The following NRAP variants were observed in gnomAD, a reference collection of about 807,000 sequenced individuals.
NRAP encodes nebulin related anchoring protein.
A neutral mutation model predicts 225.9 loss-of-function variants in NRAP; 189 were observed. The ratio of observed to expected loss-of-function variants is 0.84; its 90% confidence interval spans 0.74 to 0.94. NRAP has a LOEUF of 0.94. Among genes scored for constraint, NRAP ranks in the 40% least tolerant of loss-of-function variants. The pLI, the probability that NRAP is intolerant of heterozygous loss-of-function variation, is 0.00. For missense variants in NRAP, 2,176 were observed against 2,168.7 expected, an observed-to-expected ratio of 1.00 and a Z score of -0.07; for synonymous variants, 769 against 790.7, an observed-to-expected ratio of 0.97 and a Z score of 0.46.
At chr10:113,605,575 T>C (rs557475245) in intron 34 of NRAP, among the ~76,000 whole-genome samples, 187 bp downstream of exon 34, 5 of 152,342 alleles carry the variant, frequency 3.3e-5, no homozygotes, top group Admixed American at 2.0e-4. Flanking sequence ...GAATTTAGCT[T>C]CTGATTAATA....
intron 19 of NRAP, 101 bp downstream of exon 19, chr10:113,629,487 T>C: frequency 1.2e-6 from 1 of 828,286 alleles, no homozygotes; most frequent in Non-Finnish European, 2.0e-6. Flanking sequence ...TTCCTAGTCT[T>C]CCAAGTTATG....
chr10:113,600,307 G>A (rs1047732099), intron 35 of NRAP, among the ~76,000 whole-genome samples: 3 of 151,718 alleles, frequency 2.0e-5, no homozygotes, highest in African/African-American at 7.3e-5. Context: ...GAGTAGCTGG[G>A]ACCACAGGTG....
intron 7 of NRAP, among the ~76,000 whole-genome samples, chr10:113,650,973 T>C (rs1236590848): frequency 6.6e-6 from 1 of 152,266 alleles, no homozygotes; most frequent in Non-Finnish European, 1.5e-5. Flanking sequence ...CACTAAGTTC[T>C]TGATCTTATT....
At chr10:113,649,498 A>G (rs1399861497) in intron 9 of NRAP, among the ~76,000 whole-genome samples, 2 of 152,160 alleles carry the variant, frequency 1.3e-5, no homozygotes, top group Non-Finnish European at 2.9e-5. Flanking sequence ...TTAGCTTGTG[A>G]TTGTCATCTT....
In NRAP at chr10:113,589,512, G is replaced by C. The variant is rs577842899; in HGVS notation, c.5088+154C>G. ...GCGTGTCATCTGCCTGGTCATCTCA[G>C]ACCCATGAAATTAGGCGCCTTGTTT... is the stretch of plus-strand genomic sequence containing the variant. On this transcript the variant is annotated intron_variant, in intron 41 of 41. Coordinates refer to ENST00000359988, the MANE Select transcript of NRAP (RefSeq NM_198060.4). 4 of 830,356 alleles carry C rather than the reference G, an allele frequency of 4.8e-6. No homozygotes were observed. In the East Asian group the frequency reaches 1.0e-4, roughly 21 times the overall value. 51.4% of individuals were successfully genotyped at this position (830,356 alleles called of 1,614,324 possible).
intron 3 of NRAP, among the ~76,000 whole-genome samples, chr10:113,661,988 T>G (rs561627422): frequency 5.3e-5 from 8 of 152,340 alleles, no homozygotes; most frequent in African/African-American, 1.7e-4. Context: ...ATGCAGAGCC[T>G]ACTCTATAAA....
At chr10:113,625,187 C>T (rs1848217688) in intron 21 of NRAP, among the ~76,000 whole-genome samples, 1 of 152,198 alleles carries the variant, frequency 6.6e-6, no homozygotes, top group Non-Finnish European at 1.5e-5. Context: ...TCTCTTTTCA[C>T]ACCTTTCCTT....
chr10:113,658,813 C>T (rs1010089614), intron 3 of NRAP, among the ~76,000 whole-genome samples: 2 of 147,158 alleles, frequency 1.4e-5, no homozygotes, highest in African/African-American at 5.1e-5. Flanking sequence ...ACCCAGGAGG[C>T]GGAGGTTGCA....
Position 113,661,891 on chromosome 10 carries a change from G to T in NRAP, c.255+788C>A, listed in dbSNP as rs546323110. 5.8e-4 allele frequency among the ~76,000 whole-genome samples: 89 copies of T among 152,296 alleles called. No individual in the cohort carries two copies. In the South Asian group the frequency reaches 0.016, roughly 28 times the overall value. On this transcript the variant is annotated intron_variant, in intron 3 of 41. Coordinates refer to ENST00000359988, the MANE Select transcript of NRAP (RefSeq NM_198060.4). The stretch of plus-strand genomic sequence containing the variant: ...GTGAAACTAAAGGTTTTAATTTTGT[G>T]TACCAGAATGTCACAGGGAAAAGTC...
chr10:113,614,700 T>C (rs1847537751), intron 28 of NRAP, 139 bp downstream of exon 28: 1 of 643,296 alleles, frequency 1.6e-6, no homozygotes, highest in Admixed American at 2.7e-5. Flanking sequence ...TCACTGGTCA[T>C]TATCTGATTG....
In NRAP at chr10:113,654,507, C is replaced by CAAA. The variant is rs56238053; in HGVS notation, c.361-385_361-383dup. Among the ~76,000 whole-genome samples, 197 of 128,658 alleles carry CAAA rather than the reference C, an allele frequency of 1.5e-3. 1 individual carries two copies. The highest frequency in any genetic ancestry group is 3.1e-3 in the African/African-American group (101 of 32,870). 84.4% of individuals were successfully genotyped at this position (128,658 alleles called of 152,430 possible). Reference sequence around the variant, plus strand: ...TGACAACTGACAATGGCAATAAAAGCAAAAAAAAAAAAAAAAAAGGAAAGG... The same window carrying CAAA: ...TGACAACTGACAATGGCAATAAAAGCAAAAAAAAAAAAAAAAAAAAAGGAAAGG... On this transcript the variant is annotated intron_variant, in intron 4 of 41. Coordinates refer to ENST00000359988, the MANE Select transcript of NRAP (RefSeq NM_198060.4).
At chr10:113,635,682 C>G (rs1358654021) in intron 14 of NRAP, among the ~76,000 whole-genome samples, 1 of 152,180 alleles carries the variant, frequency 6.6e-6, no homozygotes, top group Non-Finnish European at 1.5e-5. Flanking sequence ...CCCACCTCAG[C>G]CTCCTAAAGT....
chr10:113,660,895 A>AACC (rs1467864722), intron 3 of NRAP, among the ~76,000 whole-genome samples: 2 of 152,186 alleles, frequency 1.3e-5, no homozygotes, highest in Admixed American at 1.3e-4. Context: ...CCAGCTGGGT[A>AACC]AACTAGGCAG....
At chr10:113,604,179 C>G (rs543753903) in intron 35 of NRAP, among the ~76,000 whole-genome samples, 2 of 152,024 alleles carry the variant, frequency 1.3e-5, no homozygotes, top group Non-Finnish European at 2.9e-5. Flanking sequence ...TGCAGTGGCG[C>G]GATCTCAGCT....
At chr10:113,615,420 T>C (rs1847594065) in intron 27 of NRAP, among the ~76,000 whole-genome samples, 1 of 152,192 alleles carries the variant, frequency 6.6e-6, no homozygotes, top group Non-Finnish European at 1.5e-5. Flanking sequence ...TATTCTGATG[T>C]TCCCACTTTC....
intron 35 of NRAP, among the ~76,000 whole-genome samples, chr10:113,602,600 A>G (rs993115764): frequency 2.0e-5 from 3 of 152,240 alleles, no homozygotes; most frequent in Non-Finnish European, 4.4e-5. Context: ...TGTGATTAAT[A>G]ATGCAATGAT....
At chr10:113,649,129 A>G (rs1849774996) in intron 9 of NRAP, among the ~76,000 whole-genome samples, 1 of 152,186 alleles carries the variant, frequency 6.6e-6, no homozygotes, top group South Asian at 2.1e-4. Flanking sequence ...TAAATTCAAA[A>G]CCAAGCATTT....
intron 31 of NRAP, among the ~76,000 whole-genome samples, chr10:113,608,975 A>T (rs1847169029): frequency 6.6e-6 from 1 of 152,202 alleles, no homozygotes; most frequent in Admixed American, 6.5e-5. Context: ...CCAGGCCAAC[A>T]TGGCGAAACC....
At chr10:113,621,173 G>T (rs558404425) in intron 24 of NRAP, among the ~76,000 whole-genome samples, 14 of 152,220 alleles carry the variant, frequency 9.2e-5, no homozygotes, top group African/African-American at 1.9e-4. Flanking sequence ...CACCTCAGTG[G>T]GGGGGCAGGG....
Sources: gnomAD v4.1 joint callset for allele counts (sites outside exome capture counted in the v4.1 genomes callset) on GRCh38, gnomAD v4.1.1 for gene constraint, MANE v1.5 for transcripts, NCBI Gene and HGNC (gene_info 2026-07-23, HGNC 2026-07-21) for gene names.